KIF24: variants seen among roughly 807,000 people sequenced by gnomAD.
KIF24 encodes kinesin family member 24, also known as kinesin-like protein KIF24.
KIF24 carries 81 observed loss-of-function variants against 118.9 expected under a neutral mutation model. The observed-to-expected ratio is 0.68, with a 90% confidence interval of 0.57 to 0.82. The LOEUF (loss-of-function observed/expected upper bound fraction) is 0.82. KIF24 is among the 40% of genes least tolerant of loss of function. The pLI is 0.00. For synonymous variants in KIF24, 599 were observed against 610.0 expected (o/e 0.98, Z 0.27); for missense variants, 1,560 against 1,661.6 (o/e 0.94, Z 1.06).
At chr9:34,283,244 C>T (rs1835919124) in intron 6 of KIF24, among the ~76,000 whole-genome samples, 1 of 151,236 alleles carries the variant, frequency 6.6e-6, no homozygotes, top group South Asian at 2.1e-4. Context: ...GTGGCACACA[C>T]CTGTAGTCCC....
rs189592474 is a variant in KIF24, at chr9:34,318,779, G to C, written c.-25-7408C>G. On this transcript the variant is annotated intron_variant, in intron 1 of 12. Transcript: ENST00000402558. This position sits in a 1 kb window ranked among gnomAD's most constrained non-coding sequence, Gnocchi z 4.9. ...ACTCAGCAACTCCACCGCGCGCAAC[G>C]TGACCTGGAAGCTGTGCAGTCGCCT... The C allele has an allele frequency of 1.6e-4, 247 of 1,536,286 alleles. No individual in the cohort carries two copies. The highest frequency in any genetic ancestry group is 2.2e-4 in the Non-Finnish European group (242 of 1,114,672).
chr9:34,320,486 C>A (rs1222890502), intron 1 of KIF24, among the ~76,000 whole-genome samples: 2 of 151,160 alleles, frequency 1.3e-5, no homozygotes, highest in African/African-American at 2.4e-5. Flanking sequence ...GGCGAAACCC[C>A]ATCTCTACTA....
At chr9:34,276,171 G>A (rs929261163) in intron 6 of KIF24, among the ~76,000 whole-genome samples, 1 of 152,150 alleles carries the variant, frequency 6.6e-6, no homozygotes, top group Non-Finnish European at 1.5e-5. Flanking sequence ...GGGAGGCTGA[G>A]GTGGGAGGAT....
At position 34,255,178 on chromosome 9, in the gene KIF24, G is replaced by C. The variant is rs1291558246; in HGVS notation, c.3873-13C>G. On this transcript the variant is annotated splice_polypyrimidine_tract_variant and intron_variant, in intron 11 of 12. Transcript: ENST00000402558. Reference sequence around the variant, plus strand: ...GATGACCACCTGCCTGGGAACACCAGAGAGAACACTGTGATCTTCCTGGCC... The same window carrying C: ...GATGACCACCTGCCTGGGAACACCACAGAGAACACTGTGATCTTCCTGGCC... 1 of 1,505,482 alleles carries C rather than the reference G, an allele frequency of 6.6e-7. No individual in the cohort carries two copies. Among genetic ancestry groups the C allele is most frequent in the Non-Finnish European group, 9.1e-7 (1 of 1,099,632 alleles). The allele number at this position is 1,505,482 out of a possible 1,614,324, so 93.3% of individuals were successfully genotyped here.
At chr9:34,321,175 G>A (rs560461654) in intron 1 of KIF24, among the ~76,000 whole-genome samples, 11 of 152,112 alleles carry the variant, frequency 7.2e-5, no homozygotes, top group Non-Finnish European at 1.5e-4. Flanking sequence ...ATTGAACAGG[G>A]AGCAAAATAC....
At chr9:34,316,804 G>A (rs1370755721) in intron 1 of KIF24, among the ~76,000 whole-genome samples, 10 of 152,352 alleles carry the variant, frequency 6.6e-5, no homozygotes, top group African/African-American at 2.4e-4. Flanking sequence ...GGGCGCGGTG[G>A]CTCATGCCTG....
intron 1 of KIF24, among the ~76,000 whole-genome samples, chr9:34,314,689 A>G (rs899539860): frequency 6.6e-6 from 1 of 152,230 alleles, no homozygotes; most frequent in African/African-American, 2.4e-5. Context: ...ACCTATCCTT[A>G]TCCTTCAGAT....
chr9:34,269,641 C>G (rs921103259), intron 7 of KIF24, among the ~76,000 whole-genome samples: 5 of 151,880 alleles, frequency 3.3e-5, no homozygotes, highest in Admixed American at 1.3e-4. Context: ...GGATGGTCTC[C>G]ATCTCCTGAC....
At position 34,256,588 on chromosome 9, in the gene KIF24, GT is replaced by G. The variant is rs1279601659; in HGVS notation, c.3018del (p.Pro1007LeufsTer2). 6.2e-7 allele frequency: 1 copy of G among 1,614,002 alleles called. No homozygotes were observed. Among genetic ancestry groups the G allele is most frequent in the East Asian group, 2.2e-5 (1 of 44,886 alleles). On this transcript the variant is annotated frameshift_variant, in exon 11 of 13. Coordinates refer to ENST00000402558, the MANE Select transcript of KIF24 (RefSeq NM_194313.4). LOFTEE classifies it high-confidence loss of function. ...CCGTCTGCACTGACTTCTCTCAGAGGTGTGGTGACTGTGTCTCTTTGGTCTG... is the reference window on the plus strand; with the variant it reads ...CCGTCTGCACTGACTTCTCTCAGAGGGTGGTGACTGTGTCTCTTTGGTCTG... ...GSPDQRDTVT[T>X]PLREVSADGP...
At chr9:34,290,414 C>G in intron 4 of KIF24, 25 bp from the exon 5 acceptor site, 2 of 1,378,580 alleles carry the variant, frequency 1.5e-6, no homozygotes, top group Non-Finnish European at 2.1e-6. Flanking sequence ...ATTTGCATTA[C>G]TTATGCATAT....
chr9:34,259,811 A>C (rs780725632), intron 9 of KIF24, 106 bp from the exon 10 acceptor site: 2 of 704,918 alleles, frequency 2.8e-6, no homozygotes, highest in Middle Eastern at 2.6e-4. Flanking sequence ...TCTGTCCACA[A>C]AAAGGTAATT....
At chr9:34,300,679 T>C (rs892626225) in intron 3 of KIF24, among the ~76,000 whole-genome samples, 4 of 151,880 alleles carry the variant, frequency 2.6e-5, no homozygotes, top group African/African-American at 4.8e-5. Context: ...AAAATCTGGT[T>C]TTAATGAACA....
chr9:34,298,262 A>C (rs541488246), intron 3 of KIF24, among the ~76,000 whole-genome samples: 2 of 152,190 alleles, frequency 1.3e-5, no homozygotes, highest in African/African-American at 4.8e-5. Flanking sequence ...AGTGAAACAG[A>C]GGCCGGGCGC....
chr9:34,329,332 G>T (rs1837803426), upstream of KIF24, among the ~76,000 whole-genome samples: 1 of 152,244 alleles, frequency 6.6e-6, no homozygotes, highest in Non-Finnish European at 1.5e-5. Flanking sequence ...CCAAGGAATC[G>T]GTTGACGTTC....
At chr9:34,295,228 G>A (rs1305481931) in intron 4 of KIF24, among the ~76,000 whole-genome samples, 1 of 149,120 alleles carries the variant, frequency 6.7e-6, no homozygotes, top group South Asian at 2.1e-4. Context: ...CAGACAGACA[G>A]AGGCAGGGTC....
chr9:34,273,545 C>T (rs932080826), intron 6 of KIF24, among the ~76,000 whole-genome samples: 1 of 43,252 alleles, frequency 2.3e-5, no homozygotes, highest in Middle Eastern at 5.4e-3. Context: ...CCCCATTCAT[C>T]CCCACCCTGT....
At chr9:34,287,584 C>T (rs2131744170) in intron 5 of KIF24, among the ~76,000 whole-genome samples, 1 of 152,240 alleles carries the variant, frequency 6.6e-6, no homozygotes, top group South Asian at 2.1e-4. Flanking sequence ...ACTTAAAATA[C>T]AAGAATGATT....
At chr9:34,259,083 T>C (rs1038356768) in intron 10 of KIF24, among the ~76,000 whole-genome samples, 1 of 152,192 alleles carries the variant, frequency 6.6e-6, no homozygotes, top group Non-Finnish European at 1.5e-5. Flanking sequence ...CAAGAGTTGC[T>C]GGCTCTGACA....
In KIF24 at chr9:34,259,687, T is replaced by C; in HGVS notation, c.1534A>G (p.Ile512Val). Residue 512 changes from isoleucine (I) to valine (V), a missense_variant, in exon 10 of 13, where the codon ATC becomes GTC. Coordinates refer to ENST00000402558, the MANE Select transcript of KIF24 (RefSeq NM_194313.4). ...KLTQVLKDSFIGNAKTCMIAN... is the reference protein window; with the variant it reads ...KLTQVLKDSFVGNAKTCMIAN... ...ATCATGCAGGTTTTGGCATTGCCGA[T>C]GAAAGAGTCCTTCAGGACCTGTCCA... 1.9e-6 allele frequency: 3 copies of C among 1,613,746 alleles called. No homozygotes were observed. Among genetic ancestry groups the C allele is most frequent in the Non-Finnish European group, 2.5e-6 (3 of 1,179,666 alleles).
Sources: allele counts gnomAD v4.1 joint callset (sites outside exome capture counted in the v4.1 genomes callset), GRCh38; gene constraint gnomAD v4.1.1; non-coding constraint Gnocchi (gnomAD v3.1); transcripts MANE v1.5; gene names NCBI Gene and HGNC (gene_info 2026-07-23, HGNC 2026-07-21).